SIL1: variants seen among roughly 807,000 people sequenced by gnomAD.
SIL1 encodes the protein nucleotide exchange factor SIL1.
SIL1 carries 40 observed loss-of-function variants against 49.1 expected under a neutral mutation model. The ratio of observed to expected loss-of-function variants is 0.81; its 90% confidence interval spans 0.63 to 1.06. The LOEUF is 1.06. Among genes scored for constraint, SIL1 ranks in the 50% least tolerant of loss-of-function variants. SIL1 has a pLI of 0.00. For missense variants in SIL1, 500 were observed against 572.6 expected (o/e 0.87, Z 1.29); for synonymous variants, 253 against 250.8 (o/e 1.01, Z -0.08).
chr5:139,178,988 C>A (rs1394142364), intron 1 of SIL1, among the ~76,000 whole-genome samples: 2 of 152,146 alleles, frequency 1.3e-5, no homozygotes, highest in Non-Finnish European at 2.9e-5. Context: ...CCAAACAATT[C>A]TCTCCCCTTC....
chr5:139,192,683 G>A (rs1462884123), intron 1 of SIL1, among the ~76,000 whole-genome samples: 1 of 152,056 alleles, frequency 6.6e-6, no homozygotes, highest in Non-Finnish European at 1.5e-5. Context: ...TCCAAAGACT[G>A]GAAGAAAATT....
intron 4 of SIL1, among the ~76,000 whole-genome samples, chr5:139,050,376 A>G (rs879300085): frequency 5.3e-5 from 8 of 152,262 alleles, no homozygotes; most frequent in South Asian, 2.1e-4. Context: ...AAAGAAAAAT[A>G]GTGACACTGA....
intron 6 of SIL1, among the ~76,000 whole-genome samples, chr5:139,023,626 C>A (rs1160689567): frequency 6.6e-6 from 1 of 152,224 alleles, no homozygotes; most frequent in Non-Finnish European, 1.5e-5. Context: ...TGTGAGGAAG[C>A]CTGGCAGACC....
At chr5:139,116,676 A>AGTGCAGTAGACATT (rs1376057233) in intron 3 of SIL1, among the ~76,000 whole-genome samples, 1 of 152,216 alleles carries the variant, frequency 6.6e-6, no homozygotes, top group East Asian at 1.9e-4. Context: ...CTATTCACAG[A>AGTGCAGTAGACATT]CACCAAGTTA....
intron 1 of SIL1, among the ~76,000 whole-genome samples, chr5:139,135,603 A>G (rs938796676): frequency 1.3e-5 from 2 of 151,832 alleles, no homozygotes; most frequent in African/African-American, 4.8e-5. Flanking sequence ...AGTGAGGAGC[A>G]TTCCTAGCCC....
chr5:139,109,695 T>TA (rs534819027), intron 3 of SIL1, among the ~76,000 whole-genome samples: 23,573 of 121,438 alleles, frequency 0.19, 2,694 homozygotes, highest in East Asian at 0.47. Flanking sequence ...AAGGGGATGT[T>TA]AAAAAAAAAA....
chr5:139,001,248 T>C (rs569327924), intron 7 of SIL1, among the ~76,000 whole-genome samples: 2 of 152,218 alleles, frequency 1.3e-5, no homozygotes, highest in South Asian at 4.1e-4. Flanking sequence ...TATGAGTTTT[T>C]TGAAACATAG....
At chr5:138,958,578 A>T (rs981197275) in intron 7 of SIL1, among the ~76,000 whole-genome samples, 1 of 152,108 alleles carries the variant, frequency 6.6e-6, no homozygotes, top group African/African-American at 2.4e-5. Flanking sequence ...TAAGTCCAAA[A>T]ATCTAAAATC....
At chr5:139,130,916 C>T (rs1750850407) in intron 1 of SIL1, among the ~76,000 whole-genome samples, 1 of 152,054 alleles carries the variant, frequency 6.6e-6, no homozygotes, top group African/African-American at 2.4e-5. Context: ...ATATTTAGAA[C>T]AGACAAATTC....
intron 7 of SIL1, among the ~76,000 whole-genome samples, chr5:138,990,946 C>A (rs1329944267): frequency 6.6e-6 from 1 of 152,242 alleles, no homozygotes; most frequent in East Asian, 1.9e-4. Context: ...AAACTCCCAG[C>A]CTCAGGTGAT....
At chr5:139,007,946 G>A (rs1768160851) in intron 7 of SIL1, among the ~76,000 whole-genome samples, 1 of 151,748 alleles carries the variant, frequency 6.6e-6, no homozygotes, top group Non-Finnish European at 1.5e-5. Flanking sequence ...TCTCTGCCAG[G>A]CTTTGGTATC....
chr5:139,119,716 G>A (rs550683951), intron 3 of SIL1, among the ~76,000 whole-genome samples: 2 of 152,256 alleles, frequency 1.3e-5, no homozygotes, highest in Admixed American at 6.5e-5. Context: ...AGCCAAGATC[G>A]CAACATGGCA....
intron 6 of SIL1, 149 bp from the exon 7 acceptor site, chr5:139,021,441 A>T (rs1768525680): frequency 2.5e-6 from 3 of 1,187,258 alleles, no homozygotes; most frequent in Non-Finnish European, 3.6e-6. Flanking sequence ...AGGTTTGTAA[A>T]AACCAATTTT....
At chr5:138,958,049 GCA>G (rs1766939897) in intron 7 of SIL1, among the ~76,000 whole-genome samples, 1 of 151,860 alleles carries the variant, frequency 6.6e-6, no homozygotes, top group African/African-American at 2.4e-5. Context: ...ATGAGCCACT[GCA>G]CAGAGCCCTC....
chr5:138,981,533 G>T (rs1767520578), intron 7 of SIL1, among the ~76,000 whole-genome samples: 1 of 152,198 alleles, frequency 6.6e-6, no homozygotes, highest in African/African-American at 2.4e-5. Context: ...GACTAGTGGG[G>T]CACTGAAATC....
rs1216220813 is a variant in SIL1, at chr5:139,112,578, C to T, written c.244+8457G>A. On this transcript the variant is annotated intron_variant, in intron 3 of 9. Transcript: ENST00000394817. ...GAGCCCCTCCGCCCGGCAGCCGCCC[C>T]GTCTGGGAAGTGAGGAGTGTCTCCG... 2.6e-5 allele frequency among the ~76,000 whole-genome samples: 4 copies of T among 151,352 alleles called. 1 individual carries two copies. In the South Asian group the frequency reaches 6.3e-4, roughly 24 times the overall value.
Position 139,021,259 on chromosome 5 carries a change from C to T in SIL1, c.679G>A (p.Gly227Ser). Residue 227 changes from glycine (G) to serine (S), a missense_variant, in exon 7 of 10, where the codon GGT (glycine) becomes AGT (serine). Transcript: ENST00000394817. The part of the protein sequence containing the change: ...DNAQDLLSFG[G>S]LQVVINGLNS... Reference sequence around the variant, plus strand: ...AGCCCATTGATCACCACTTGAAGACCACCAAAGGAAAGCAGGTCCTGCGCA... The same window carrying T: ...AGCCCATTGATCACCACTTGAAGACTACCAAAGGAAAGCAGGTCCTGCGCA... 1 of 1,614,168 alleles carries T rather than the reference C, an allele frequency of 6.2e-7. No homozygotes were observed. The highest frequency in any genetic ancestry group is 8.5e-7 in the Non-Finnish European group (1 of 1,180,034).
At chr5:139,116,624 T>C (rs1404266363) in intron 3 of SIL1, among the ~76,000 whole-genome samples, 1 of 152,242 alleles carries the variant, frequency 6.6e-6, no homozygotes, top group Non-Finnish European at 1.5e-5. Flanking sequence ...CATAGATATA[T>C]ATTTTTAAAA....
At position 139,029,882 on chromosome 5, in the gene SIL1, T is replaced by G. The variant is rs549798078; in HGVS notation, c.454-2890A>C. ...ATAGTCCTAACTACTCAGGCTGAGGTGGGAGGATCACTTGAGTCCAGGAGG... is the reference window on the plus strand; with the variant it reads ...ATAGTCCTAACTACTCAGGCTGAGGGGGGAGGATCACTTGAGTCCAGGAGG... On this transcript the variant is annotated intron_variant, in intron 5 of 9. Coordinates refer to ENST00000394817, the MANE Select transcript of SIL1 (RefSeq NM_022464.5). Among the ~76,000 whole-genome samples, 5 of 150,916 alleles carry G rather than the reference T, an allele frequency of 3.3e-5. No homozygotes were observed. In the South Asian group the frequency reaches 1.1e-3, roughly 32 times the overall value.
Sources: allele counts gnomAD v4.1 joint callset (sites outside exome capture counted in the v4.1 genomes callset), GRCh38; gene constraint gnomAD v4.1.1; transcripts MANE v1.5; gene names NCBI Gene and HGNC (gene_info 2026-07-23, HGNC 2026-07-21).